Variants in L3MBTL3 observed in about 807,000 individuals in gnomAD.
The protein encoded by L3MBTL3 is lethal(3)malignant brain tumor-like protein 3.
In L3MBTL3, 27 loss-of-function variants were observed where a neutral mutation model predicts 102.3. That is an observed-to-expected ratio of 0.26 (90% CI 0.19 to 0.36). The LOEUF is 0.36. L3MBTL3 is among the 10% of genes least tolerant of loss of function. The probability of loss-of-function intolerance (pLI) is 1.00; values close to 1 mark genes in which losing one functional copy is unlikely to be tolerated. For missense variants in L3MBTL3, 798 were observed against 955.3 expected, an observed-to-expected ratio of 0.84 and a Z score of 2.17; for synonymous variants, 340 against 320.9, an observed-to-expected ratio of 1.06 and a Z score of -0.64.
At chr6:130,105,501 A>G (rs1209227319) in intron 19 of L3MBTL3, among the ~76,000 whole-genome samples, 1 of 152,026 alleles carries the variant, frequency 6.6e-6, no homozygotes, top group East Asian at 1.9e-4. Context: ...CCCAGCATCC[A>G]AAAATGAGGG....
At chr6:130,113,494 A>G (rs993527400) in intron 19 of L3MBTL3, among the ~76,000 whole-genome samples, 1 of 152,216 alleles carries the variant, frequency 6.6e-6, no homozygotes, top group African/African-American at 2.4e-5. Flanking sequence ...AAATCACTTA[A>G]TGTTTTGAGC....
intron 19 of L3MBTL3, among the ~76,000 whole-genome samples, chr6:130,107,569 A>T (rs940993996): frequency 6.6e-6 from 1 of 152,208 alleles, no homozygotes; most frequent in Non-Finnish European, 1.5e-5. Context: ...AAATACTGAT[A>T]TATTAAAAAA....
intron 20 of L3MBTL3, among the ~76,000 whole-genome samples, chr6:130,124,211 G>A (rs1003570710): frequency 3.9e-5 from 6 of 152,206 alleles, no homozygotes; most frequent in African/African-American, 9.6e-5. Context: ...ACATGTTCTC[G>A]GGCAAGGAAG....
At chr6:130,058,403 T>C (rs1347075757) in intron 9 of L3MBTL3, among the ~76,000 whole-genome samples, 1 of 151,608 alleles carries the variant, frequency 6.6e-6, no homozygotes, top group Admixed American at 6.6e-5. Flanking sequence ...TTTGGGAAGT[T>C]GAGGCAGTAG....
intron 7 of L3MBTL3, 28 bp from the exon 8 acceptor site, chr6:130,055,143 A>G: frequency 6.3e-7 from 1 of 1,578,330 alleles, no homozygotes; most frequent in Non-Finnish European, 8.7e-7. Flanking sequence ...TTGAACTTTA[A>G]AGTCATAATT....
At chr6:130,077,946 A>G (rs1019754353) in intron 13 of L3MBTL3, among the ~76,000 whole-genome samples, 1 of 152,192 alleles carries the variant, frequency 6.6e-6, no homozygotes, top group Non-Finnish European at 1.5e-5. Flanking sequence ...TGGCAAAAGT[A>G]TGACTAGGAG....
chr6:130,130,114 C>T (rs1786903011), intron 20 of L3MBTL3, among the ~76,000 whole-genome samples: 1 of 152,074 alleles, frequency 6.6e-6, no homozygotes, highest in Admixed American at 6.6e-5. Context: ...TATATCTAGG[C>T]CTATTTATCG....
intron 3 of L3MBTL3, among the ~76,000 whole-genome samples, chr6:130,047,670 G>C (rs984009446): frequency 6.6e-6 from 1 of 152,070 alleles, no homozygotes; most frequent in Non-Finnish European, 1.5e-5. Context: ...TATTGTTTTT[G>C]AATTTTAATT....
intron 18 of L3MBTL3, among the ~76,000 whole-genome samples, chr6:130,098,266 A>G (rs569283975): frequency 6.6e-6 from 1 of 152,322 alleles, no homozygotes; most frequent in African/African-American, 2.4e-5. Context: ...TAAACATCAT[A>G]TTAATTCACC....
intron 16 of L3MBTL3, among the ~76,000 whole-genome samples, chr6:130,088,556 A>G (rs1180874712): frequency 6.6e-6 from 1 of 152,210 alleles, no homozygotes; most frequent in African/African-American, 2.4e-5. Flanking sequence ...ATAGTAAAAC[A>G]TTTTAAATTG....
At chr6:130,088,954 A>G (rs376523051) in intron 16 of L3MBTL3, among the ~76,000 whole-genome samples, 1 of 152,160 alleles carries the variant, frequency 6.6e-6, no homozygotes, top group East Asian at 1.9e-4. Context: ...GGGAGTCAGT[A>G]ATTTGTTCAT....
In L3MBTL3 at chr6:130,078,654, G is replaced by GTATTAAT; in HGVS notation, c.1321+20_1321+21insTATTAAT. On this transcript the variant is annotated intron_variant, in intron 14 of 22. Transcript: ENST00000361794. ...CACCAGGTGTGTGTTTTTTTAATGT[G>GTATTAAT]GCTAATACTATTCGTAGACTTCAAG... 1 of 1,477,682 alleles carries GTATTAAT rather than the reference G, an allele frequency of 6.8e-7. No individual in the cohort carries two copies. Among genetic ancestry groups the GTATTAAT allele is most frequent in the Non-Finnish European group, 9.4e-7 (1 of 1,060,108 alleles). 91.5% of individuals were successfully genotyped at this position (1,477,682 alleles called of 1,614,324 possible).
At chr6:130,113,895 A>T (rs749759999) in intron 19 of L3MBTL3, among the ~76,000 whole-genome samples, 4 of 152,248 alleles carry the variant, frequency 2.6e-5, no homozygotes, top group Non-Finnish European at 5.9e-5. Flanking sequence ...ATCACATCAA[A>T]TAGAATAAAA....
At chr6:130,080,591 C>A (rs1783274902) in intron 14 of L3MBTL3, among the ~76,000 whole-genome samples, 1 of 152,106 alleles carries the variant, frequency 6.6e-6, no homozygotes, top group Non-Finnish European at 1.5e-5. Flanking sequence ...GGCGTTATTG[C>A]CGACTTCTTA....
chr6:130,042,853 C>A, intron 3 of L3MBTL3, 52 bp downstream of exon 3: 2 of 1,200,428 alleles, frequency 1.7e-6, no homozygotes, highest in Non-Finnish European at 2.5e-6. Flanking sequence ...TGTGCGTATG[C>A]TTACTTAAAA....
chr6:130,057,578 G>A (rs534180187), intron 9 of L3MBTL3, 81 bp downstream of exon 9: 5 of 1,150,976 alleles, frequency 4.3e-6, no homozygotes, highest in Non-Finnish European at 6.2e-6. Context: ...TGTTTCCACT[G>A]AAATTTGACT....
chr6:130,115,913 A>T (rs1160162770), intron 19 of L3MBTL3, among the ~76,000 whole-genome samples: 1 of 152,098 alleles, frequency 6.6e-6, no homozygotes, highest in African/African-American at 2.4e-5. Flanking sequence ...ACTTTTTTTT[A>T]GGTGCTTTTA....
chr6:130,072,642 A>C (rs1379798434), intron 13 of L3MBTL3, among the ~76,000 whole-genome samples: 1 of 152,230 alleles, frequency 6.6e-6, no homozygotes, highest in Non-Finnish European at 1.5e-5. Context: ...TTATCAACTT[A>C]TATCCAGTAT....
Position 130,119,435 on chromosome 6 carries a change from G to C in L3MBTL3, c.1887-1444G>C, listed in dbSNP as rs1406472684. On this transcript the variant is annotated intron_variant, in intron 19 of 22. Coordinates refer to ENST00000361794, the MANE Select transcript of L3MBTL3 (RefSeq NM_032438.4). ...CATGGTAAGCTAATTTTAACATGTT[G>C]TAATTACCAAGCATAGCTGCAGCAT... Among the ~76,000 whole-genome samples, 5 of 152,240 alleles carry C rather than the reference G, an allele frequency of 3.3e-5. No homozygotes were observed. In the South Asian group the frequency reaches 1.0e-3, roughly 32 times the overall value.
Sources: gnomAD v4.1 joint callset for allele counts (sites outside exome capture counted in the v4.1 genomes callset) on GRCh38, gnomAD v4.1.1 for gene constraint, MANE v1.5 for transcripts, NCBI Gene and HGNC (gene_info 2026-07-23, HGNC 2026-07-21) for gene names.